TRABD2B: variants seen among roughly 807,000 people sequenced by gnomAD.
The protein encoded by TRABD2B is metalloprotease TIKI2.
TRABD2B carries 14 observed loss-of-function variants against 40.1 expected under a neutral mutation model. That is an observed-to-expected ratio of 0.35 (90% CI 0.23 to 0.55). TRABD2B has a LOEUF of 0.55. Ranked by LOEUF, TRABD2B falls within the 20% of genes least tolerant of loss-of-function variation. The pLI, the probability that TRABD2B is intolerant of heterozygous loss-of-function variation, is 0.90. For missense variants in TRABD2B, 541 were observed against 648.6 expected, an observed-to-expected ratio of 0.83 and a Z score of 1.80; for synonymous variants, 263 against 277.0, an observed-to-expected ratio of 0.95 and a Z score of 0.50.
chr1:47,988,764 T>C (rs927343116), intron 2 of TRABD2B, among the ~76,000 whole-genome samples: 1 of 152,198 alleles, frequency 6.6e-6, no homozygotes, highest in Admixed American at 6.5e-5. Flanking sequence ...GGAAATCACC[T>C]AGCCCAGCGC....
chr1:47,946,757 A>G (rs1028716705), intron 2 of TRABD2B, among the ~76,000 whole-genome samples: 1 of 152,150 alleles, frequency 6.6e-6, no homozygotes, highest in Non-Finnish European at 1.5e-5. Context: ...TAAAGCTGGG[A>G]AGTGAGTTAG....
At chr1:47,925,290 A>T (rs1289928710) in intron 2 of TRABD2B, among the ~76,000 whole-genome samples, 1 of 152,234 alleles carries the variant, frequency 6.6e-6, no homozygotes, top group African/African-American at 2.4e-5. Context: ...AGAGCCTTTT[A>T]TCCTTCATAA....
rs560098731 is a variant in TRABD2B at position 47,904,408 on chromosome 1, C to G, written c.666+89626G>C. 9.3e-4 allele frequency among the ~76,000 whole-genome samples: 141 copies of G among 152,316 alleles called. 1 individual carries two copies. The highest frequency in any genetic ancestry group is 3.4e-3 in the Middle Eastern group (1 of 292). On this transcript the variant is annotated intron_variant, in intron 2 of 6. Transcript: ENST00000606738. ...AAGACATTTATATGATGGTTCCTTT[C>G]CCATCCTGGGGCAACTCTTATAGGA...
In TRABD2B at chr1:47,763,427, G is replaced by C. The variant is rs1644265422; in HGVS notation, c.*2475C>G. 1 of 152,204 alleles carries C rather than the reference G, an allele frequency of 6.6e-6. No homozygotes were observed. Among genetic ancestry groups the C allele is most frequent in the South Asian group, 2.1e-4 (1 of 4,836 alleles). The allele number at this position is 152,204 out of a possible 1,614,324, so 9.4% of individuals were successfully genotyped here. A position where few individuals can be genotyped will look rare whatever the true frequency, so the allele number is the denominator to read the frequency against. On this transcript the variant is annotated 3_prime_UTR_variant, in exon 7 of 7. Coordinates refer to ENST00000606738, the MANE Select transcript of TRABD2B (RefSeq NM_001194986.2). The stretch of plus-strand genomic sequence containing the variant: ...AGGATCCCCTAATATGCCCAGAGGA[G>C]GGATCTGGGAAAGACTAAGGCTGAA...
At chr1:47,798,500 G>T (rs1432285327) in intron 3 of TRABD2B, among the ~76,000 whole-genome samples, 1 of 152,210 alleles carries the variant, frequency 6.6e-6, no homozygotes, top group Non-Finnish European at 1.5e-5. Context: ...AGCCATTGCT[G>T]CAGGTGGGGA....
intron 2 of TRABD2B, among the ~76,000 whole-genome samples, chr1:47,864,805 C>T (rs181117798): frequency 1.8e-3 from 277 of 152,204 alleles, no homozygotes; most frequent in African/African-American, 6.1e-3. Context: ...TAGTCATCTG[C>T]CTGGAATCCC....
chr1:47,875,452 A>C (rs776160415), intron 2 of TRABD2B, among the ~76,000 whole-genome samples: 5 of 151,880 alleles, frequency 3.3e-5, no homozygotes, highest in Non-Finnish European at 4.4e-5. Flanking sequence ...TTTGGGAGGC[A>C]GAGGCAGGAG....
At chr1:47,972,741 G>C (rs913453929) in intron 2 of TRABD2B, among the ~76,000 whole-genome samples, 4 of 152,108 alleles carry the variant, frequency 2.6e-5, no homozygotes, top group Non-Finnish European at 5.9e-5. Flanking sequence ...TGACCCTCAT[G>C]GTAGTCAAAG....
chr1:47,904,303 A>G (rs1644646033), intron 2 of TRABD2B, among the ~76,000 whole-genome samples: 2 of 152,264 alleles, frequency 1.3e-5, no homozygotes, highest in African/African-American at 4.8e-5. Context: ...GGATGGGGGA[A>G]GCACAGAGTG....
chr1:47,883,569 A>G lies in TRABD2B; in HGVS notation c.667-81950T>C, dbSNP rs79096772. On this transcript the variant is annotated intron_variant, in intron 2 of 6. Transcript: ENST00000606738. The stretch of plus-strand genomic sequence containing the variant: ...CTTGGGGCAGCTTCTCTGAGATCTT[A>G]GAAGGACCAAGAGCCTGAAGCCTTC... 1.5e-3 allele frequency among the ~76,000 whole-genome samples: 235 copies of G among 152,348 alleles called. 5 individuals are homozygous for G. In the East Asian group the frequency reaches 0.033, roughly 22 times the overall value.
At chr1:47,777,783 A>G (rs929048218) in intron 5 of TRABD2B, among the ~76,000 whole-genome samples, 10 of 152,036 alleles carry the variant, frequency 6.6e-5, no homozygotes, top group African/African-American at 2.4e-4. Flanking sequence ...GCTCCCCGGG[A>G]CTCAGAGCCT....
intron 2 of TRABD2B, among the ~76,000 whole-genome samples, chr1:47,848,822 T>C (rs1645507442): frequency 6.6e-6 from 1 of 152,248 alleles, no homozygotes; most frequent in African/African-American, 2.4e-5. Context: ...GTTCTAATCC[T>C]TGACCATGTG....
intron 2 of TRABD2B, among the ~76,000 whole-genome samples, chr1:47,937,244 GATC>G (rs375136993): frequency 8.0e-5 from 8 of 100,276 alleles, no homozygotes; most frequent in Non-Finnish European, 1.5e-4. Flanking sequence ...CCACCACCAT[GATC>G]ATCACCATCA....
intron 2 of TRABD2B, among the ~76,000 whole-genome samples, chr1:47,970,218 C>G (rs1353510421): frequency 6.6e-6 from 1 of 151,958 alleles, no homozygotes; most frequent in African/African-American, 2.4e-5. Flanking sequence ...GGAGTACCTA[C>G]TAGATAAGAG....
chr1:47,801,796 C>G (rs1644827453), intron 2 of TRABD2B, among the ~76,000 whole-genome samples, 177 bp from the exon 3 acceptor site: 1 of 152,192 alleles, frequency 6.6e-6, no homozygotes, highest in African/African-American at 2.4e-5. Flanking sequence ...TGCCTCATGT[C>G]TCTGAGCACG....
intron 2 of TRABD2B, among the ~76,000 whole-genome samples, chr1:47,977,262 T>TG (rs1645769865): frequency 6.6e-6 from 1 of 152,098 alleles, no homozygotes; most frequent in East Asian, 1.9e-4. Context: ...CTGTAGTAGA[T>TG]GGAGTTTCAC....
Position 47,996,932 on chromosome 1 carries a change from A to T in TRABD2B, c.-143T>A, listed in dbSNP as rs1243000530. On this transcript the variant is annotated 5_prime_UTR_variant, in exon 1 of 7. Coordinates refer to ENST00000606738, the MANE Select transcript of TRABD2B (RefSeq NM_001194986.2). The surrounding 1 kb of genome is among the most constrained non-coding windows in gnomAD (Gnocchi z 4.6). The stretch of plus-strand genomic sequence containing the variant: ...CTGGGCGCCCTCTGGGGCGTGGCTG[A>T]CTGTCCCTGTCGGACCTGGGGGTTT... 3.6e-6 allele frequency: 4 copies of T among 1,120,544 alleles called. No individual in the cohort carries two copies. In the South Asian group the frequency reaches 1.3e-4, roughly 37 times the overall value. 69.4% of individuals were successfully genotyped at this position (1,120,544 alleles called of 1,614,324 possible). A position where few individuals can be genotyped will look rare whatever the true frequency, so the allele number is the denominator to read the frequency against.
intron 2 of TRABD2B, among the ~76,000 whole-genome samples, chr1:47,826,585 T>G (rs747737452): frequency 6.6e-6 from 1 of 151,066 alleles, no homozygotes; most frequent in Non-Finnish European, 1.5e-5. Flanking sequence ...GGTGGTTTGT[T>G]TTTTTTGAGA....
chr1:47,901,992 C>T (rs1214362048), intron 2 of TRABD2B, among the ~76,000 whole-genome samples: 5 of 152,154 alleles, frequency 3.3e-5, no homozygotes, highest in African/African-American at 9.7e-5. Context: ...GGTAAGTCTC[C>T]TCCTGATCCC....
Sources: allele counts gnomAD v4.1 joint callset (sites outside exome capture counted in the v4.1 genomes callset), GRCh38; gene constraint gnomAD v4.1.1; non-coding constraint Gnocchi (gnomAD v3.1); transcripts MANE v1.5; gene names NCBI Gene and HGNC (gene_info 2026-07-23, HGNC 2026-07-21).